The following SCAPER variants were observed in gnomAD, a reference collection of about 807,000 sequenced individuals.
The protein encoded by SCAPER is S phase cyclin A-associated protein in the endoplasmic reticulum.
SCAPER carries 98 observed loss-of-function variants against 182.2 expected under a neutral mutation model. That is an observed-to-expected ratio of 0.54 (90% CI 0.46 to 0.64). The LOEUF (loss-of-function observed/expected upper bound fraction) is 0.64. SCAPER is among the 30% of genes least tolerant of loss of function. SCAPER has a pLI of 0.00. For missense variants in SCAPER, 1,432 were observed against 1,690.0 expected, an observed-to-expected ratio of 0.85 and a Z score of 2.68; for synonymous variants, 605 against 564.6, an observed-to-expected ratio of 1.07 and a Z score of -1.01.
chr15:76,700,590 A>T (rs932300177), intron 20 of SCAPER, among the ~76,000 whole-genome samples: 1 of 152,138 alleles, frequency 6.6e-6, no homozygotes, highest in Non-Finnish European at 1.5e-5. Flanking sequence ...AGATCTGCTC[A>T]GAGTGTGCCA....
At chr15:76,423,938 G>A (rs1248948499) in intron 26 of SCAPER, among the ~76,000 whole-genome samples, 1 of 152,228 alleles carries the variant, frequency 6.6e-6, no homozygotes, top group East Asian at 1.9e-4. Flanking sequence ...TTTTGAGTGA[G>A]TTTCTTAATC....
At chr15:76,558,106 A>C (rs2046324654) in intron 23 of SCAPER, among the ~76,000 whole-genome samples, 1 of 152,226 alleles carries the variant, frequency 6.6e-6, no homozygotes, top group South Asian at 2.1e-4. Context: ...TTTCACAACT[A>C]AGATCACAAA....
At chr15:76,715,585 C>A (rs1181198600) in intron 17 of SCAPER, among the ~76,000 whole-genome samples, 1 of 152,074 alleles carries the variant, frequency 6.6e-6, no homozygotes, top group African/African-American at 2.4e-5. Context: ...CTTGTTGCCA[C>A]TGGACCCAGC....
At chr15:76,591,452 T>A (rs2049102714) in intron 22 of SCAPER, among the ~76,000 whole-genome samples, 1 of 152,208 alleles carries the variant, frequency 6.6e-6, no homozygotes, top group Non-Finnish European at 1.5e-5. Flanking sequence ...TATTACAGAA[T>A]ATTCTTTTAA....
intron 23 of SCAPER, among the ~76,000 whole-genome samples, chr15:76,536,099 T>C (rs1029167200): frequency 2.6e-5 from 4 of 152,260 alleles, no homozygotes; most frequent in African/African-American, 9.6e-5. Context: ...CAGAGACTAC[T>C]TCTATATTTT....
At chr15:76,806,372 G>C (rs915239387) in intron 5 of SCAPER, among the ~76,000 whole-genome samples, 1 of 152,116 alleles carries the variant, frequency 6.6e-6, no homozygotes, top group Non-Finnish European at 1.5e-5. Flanking sequence ...TTTATTCCAA[G>C]GATTTCAAAT....
chr15:76,844,218 A>C (rs2069787524), intron 4 of SCAPER, among the ~76,000 whole-genome samples: 1 of 149,534 alleles, frequency 6.7e-6, no homozygotes, highest in African/African-American at 2.4e-5. Flanking sequence ...ATTGGATTCC[A>C]TGAGGTAATA....
At chr15:76,632,229 G>A (rs545506844) in intron 21 of SCAPER, among the ~76,000 whole-genome samples, 4 of 151,932 alleles carry the variant, frequency 2.6e-5, no homozygotes, top group South Asian at 2.1e-4. Context: ...TCACTCTGTC[G>A]CCCAGGCTGG....
intron 26 of SCAPER, among the ~76,000 whole-genome samples, chr15:76,411,888 C>A (rs1429082750): frequency 3.3e-5 from 5 of 152,120 alleles, no homozygotes; most frequent in African/African-American, 1.2e-4. Flanking sequence ...GAACACACTT[C>A]CATGTGCTAA....
chr15:76,364,275 C>T (rs1261922315), intron 29 of SCAPER, among the ~76,000 whole-genome samples: 3 of 152,104 alleles, frequency 2.0e-5, no homozygotes. Flanking sequence ...GAAGTAGGCC[C>T]TTTAAGCACT....
chr15:76,609,066 A>G (rs2050740313), intron 22 of SCAPER, among the ~76,000 whole-genome samples: 1 of 152,020 alleles, frequency 6.6e-6, no homozygotes, highest in South Asian at 2.1e-4. Context: ...ATTGAGATGA[A>G]CCCGGTACCT....
intron 24 of SCAPER, among the ~76,000 whole-genome samples, chr15:76,498,943 A>G (rs2143657401): frequency 6.6e-6 from 1 of 152,324 alleles, no homozygotes; most frequent in East Asian, 1.9e-4. Flanking sequence ...TACTGTAAAG[A>G]AATAAAAAGC....
intron 8 of SCAPER, among the ~76,000 whole-genome samples, chr15:76,777,512 T>C (rs1195622089): frequency 1.3e-5 from 2 of 148,274 alleles, no homozygotes; most frequent in Non-Finnish European, 3.0e-5. Flanking sequence ...CAGCCTAACA[T>C]GGTGAAACCC....
At chr15:76,484,638 A>G (rs769927972) in intron 24 of SCAPER, among the ~76,000 whole-genome samples, 1 of 152,086 alleles carries the variant, frequency 6.6e-6, no homozygotes, top group Non-Finnish European at 1.5e-5. Flanking sequence ...AACTCATTCT[A>G]TGAGGCGAGC....
intron 24 of SCAPER, among the ~76,000 whole-genome samples, chr15:76,496,227 C>CCT (rs1431207596): frequency 6.7e-6 from 1 of 149,406 alleles, no homozygotes; most frequent in Non-Finnish European, 1.5e-5. Context: ...CATTAACAAC[C>CCT]TTTTTTTTTT....
intron 17 of SCAPER, among the ~76,000 whole-genome samples, chr15:76,719,964 A>T (rs1312513381): frequency 2.0e-5 from 3 of 151,896 alleles, no homozygotes; most frequent in African/African-American, 7.2e-5. Flanking sequence ...GTTTTAGGGT[A>T]CATGTGCACA....
chr15:76,450,118 T>C (rs2048274970), intron 25 of SCAPER, among the ~76,000 whole-genome samples: 1 of 152,252 alleles, frequency 6.6e-6, no homozygotes, highest in Admixed American at 6.5e-5. Context: ...CTAACCCCTG[T>C]GCTACACTGT....
At position 76,376,240 on chromosome 15, in the gene SCAPER, G is replaced by C; in HGVS notation, c.3777C>G (p.Ser1259Arg). The change falls in exon 29 of 32, where the codon AGC (serine) becomes AGG (arginine). Residue 1259 changes from serine to arginine, a missense_variant. By Grantham distance (110) the Ser-to-Arg change is moderately radical (BLOSUM62 -1). Transcript: ENST00000563290. The stretch of plus-strand genomic sequence containing the variant: ...GAAGGAGGCTTTCACAGGAGACTTG[G>C]CTGCAGTGGCCCAGCAGGGAGCTGG... ...HMASSLLGHCSQVSCESLLHE... is the reference protein window; with the variant it reads ...HMASSLLGHCRQVSCESLLHE... 2 of 1,614,016 alleles carry C rather than the reference G, an allele frequency of 1.2e-6. No individual in the cohort carries two copies. Among genetic ancestry groups the C allele is most frequent in the Non-Finnish European group, 1.7e-6 (2 of 1,179,888 alleles).
chr15:76,615,583 C>G (rs558791568), intron 22 of SCAPER, among the ~76,000 whole-genome samples: 210 of 150,932 alleles, frequency 1.4e-3, no homozygotes, highest in African/African-American at 4.8e-3. Flanking sequence ...CACTTTGGGA[C>G]ACCGAGGTAG....
Sources: allele counts gnomAD v4.1 joint callset (sites outside exome capture counted in the v4.1 genomes callset), GRCh38; gene constraint gnomAD v4.1.1; transcripts MANE v1.5; gene names NCBI Gene and HGNC (gene_info 2026-07-23, HGNC 2026-07-21).